The following RB1 variants were observed in gnomAD, a reference collection of about 807,000 sequenced individuals.
The protein encoded by RB1 is RB transcriptional corepressor 1.
Under a neutral mutation model 135.4 loss-of-function variants are expected in RB1, and 18 were observed. The observed-to-expected ratio is 0.13, with a 90% CI of 0.09 to 0.20. RB1 has a LOEUF of 0.20. Among genes scored for constraint, RB1 ranks in the 10% least tolerant of loss-of-function variants. The pLI, the probability that RB1 is intolerant of heterozygous loss-of-function variation, is 1.00. For missense variants in RB1, 868 were observed against 1,110.0 expected, an observed-to-expected ratio of 0.78 and a Z score of 3.10; for synonymous variants, 365 against 373.2, an observed-to-expected ratio of 0.98 and a Z score of 0.25.
At chr13:48,456,133 C>T (rs1324713111) in intron 18 of RB1, 71 bp from the exon 19 acceptor site, 1 of 1,599,830 alleles carries the variant, frequency 6.3e-7, no homozygotes, top group Non-Finnish European at 8.5e-7. Flanking sequence ...GGTGTACAAC[C>T]TTGAAGTGTA....
chr13:48,401,748 C>A (rs1014824162), intron 17 of RB1, among the ~76,000 whole-genome samples: 1 of 152,090 alleles, frequency 6.6e-6, no homozygotes, highest in Non-Finnish European at 1.5e-5. Flanking sequence ...GATAAGGAAA[C>A]GTAGAATAGG....
At chr13:48,457,612 C>T (rs745622823) in intron 19 of RB1, among the ~76,000 whole-genome samples, 4 of 152,322 alleles carry the variant, frequency 2.6e-5, no homozygotes, top group Non-Finnish European at 5.9e-5. Context: ...GCCCATCTGC[C>T]TCCTGCCGCC....
At chr13:48,314,841 C>T (rs1952167093) in intron 2 of RB1, among the ~76,000 whole-genome samples, 1 of 151,838 alleles carries the variant, frequency 6.6e-6, no homozygotes, top group African/African-American at 2.4e-5. Flanking sequence ...AATACAGTAC[C>T]ATTTTATTTA....
At position 48,438,467 on chromosome 13, in the gene RB1, A is replaced by G. The variant is rs545082682; in HGVS notation, c.1696-14526A>G. On this transcript the variant is annotated intron_variant, in intron 17 of 26. Coordinates refer to ENST00000267163, the MANE Select transcript of RB1 (RefSeq NM_000321.3). ...TTCTCTAATGCTCCTAATCTGAGTT[A>G]GTTGTCTCTTCTGATTTTCATGGCA... 2.0e-5 allele frequency among the ~76,000 whole-genome samples: 3 copies of G among 152,270 alleles called. No homozygotes were observed. In the East Asian group the frequency reaches 5.8e-4, roughly 29 times the overall value.
chr13:48,392,061 C>T (rs1249226195), intron 17 of RB1, among the ~76,000 whole-genome samples: 2 of 151,864 alleles, frequency 1.3e-5, no homozygotes, highest in African/African-American at 4.8e-5. Context: ...TTTGTTTTTT[C>T]TTTGAGTGCT....
At chr13:48,342,062 C>T (rs986125204) in intron 2 of RB1, among the ~76,000 whole-genome samples, 1 of 151,892 alleles carries the variant, frequency 6.6e-6, no homozygotes, top group African/African-American at 2.4e-5. Context: ...AATATAATTT[C>T]ATTTAATTGT....
chr13:48,433,042 C>CT (rs1286420662), intron 17 of RB1, among the ~76,000 whole-genome samples: 1 of 152,012 alleles, frequency 6.6e-6, no homozygotes, highest in African/African-American at 2.4e-5. Context: ...TCTACTGTGT[C>CT]TTATAAACTC....
intron 17 of RB1, among the ~76,000 whole-genome samples, chr13:48,394,248 C>T (rs186341608): frequency 2.3e-4 from 35 of 152,332 alleles, no homozygotes; most frequent in African/African-American, 7.9e-4. Context: ...CCACAGTCTT[C>T]GCAACCCACA....
chr13:48,398,635 G>A (rs1035790909), intron 17 of RB1, among the ~76,000 whole-genome samples: 5 of 152,000 alleles, frequency 3.3e-5, no homozygotes, highest in African/African-American at 1.2e-4. Flanking sequence ...CACCCAGTTG[G>A]CATTTGAACT....
In RB1 at chr13:48,319,188, G is replaced by A; in HGVS notation, c.264+11782G>A. On this transcript the variant is annotated intron_variant, in intron 2 of 26. Transcript: ENST00000267163. This position sits in a 1 kb window ranked among gnomAD's most constrained non-coding sequence, Gnocchi z 5.0. The stretch of plus-strand genomic sequence containing the variant: ...GTCTAGGCACCCCGGGCAAGGGTCT[G>A]TGGCCTTGGTGGCCACTGGCTTCCT... 1 of 635,088 alleles carries A rather than the reference G, an allele frequency of 1.6e-6. No individual in the cohort carries two copies. Among genetic ancestry groups the A allele is most frequent in the Non-Finnish European group, 2.6e-6 (1 of 381,964 alleles). The allele number at this position is 635,088 out of a possible 1,614,324, so 39.3% of individuals were successfully genotyped here. A position where few individuals can be genotyped will look rare whatever the true frequency, so the allele number is the denominator to read the frequency against.
intron 17 of RB1, among the ~76,000 whole-genome samples, chr13:48,399,303 T>C (rs2138177156): frequency 1.3e-5 from 2 of 152,032 alleles, no homozygotes; most frequent in East Asian, 3.9e-4. Context: ...TGCAAAAATG[T>C]AACGACAAAG....
intron 17 of RB1, among the ~76,000 whole-genome samples, chr13:48,415,312 C>T (rs1301936752): frequency 6.7e-6 from 1 of 149,880 alleles, no homozygotes; most frequent in East Asian, 2.0e-4. Context: ...TTTTTTCTCA[C>T]TCTGCCGCCC....
chr13:48,453,192 A>G, intron 18 of RB1, 81 bp downstream of exon 18: 3 of 1,326,164 alleles, frequency 2.3e-6, no homozygotes, highest in Non-Finnish European at 3.2e-6. Flanking sequence ...TTCTATAAAG[A>G]AACTGTAGGG....
intron 17 of RB1, among the ~76,000 whole-genome samples, chr13:48,403,592 A>T (rs1948713142): frequency 6.6e-6 from 1 of 152,166 alleles, no homozygotes; most frequent in Admixed American, 6.5e-5. Context: ...GGCAATAATC[A>T]GGAAGGTTTT....
chr13:48,343,999 T>C (rs1002985695), intron 3 of RB1, among the ~76,000 whole-genome samples: 6 of 152,208 alleles, frequency 3.9e-5, no homozygotes, highest in Non-Finnish European at 7.3e-5. Context: ...CTATAACTCA[T>C]TGGTTGCTGG....
intron 2 of RB1, chr13:48,341,288 G>A (rs1952440465): frequency 6.6e-6 from 1 of 151,276 alleles, no homozygotes; most frequent in South Asian, 2.1e-4. Flanking sequence ...ACATTCCATT[G>A]TAGGGATATA....
rs1949430859 is a variant in RB1, at chr13:48,465,063, C to T, written c.2277C>T (p.Val759=). ...YDSIIVFYNS[V]FMQRLKTNIL... ...CTATTATAGTATTCTATAACTCGGTCTTCATGCAGAGACTGAAAACAAATA... is the reference window on the plus strand; with the variant it reads ...CTATTATAGTATTCTATAACTCGGTTTTCATGCAGAGACTGAAAACAAATA... Residue 759 remains valine, a synonymous_variant, in exon 22 of 27, where the codon GTC becomes GTT. Transcript: ENST00000267163. 1 of 1,575,458 alleles carries T rather than the reference C, an allele frequency of 6.3e-7. No individual in the cohort carries two copies.
At chr13:48,452,593 T>G (rs1949334688) in intron 17 of RB1, among the ~76,000 whole-genome samples, 1 of 152,118 alleles carries the variant, frequency 6.6e-6, no homozygotes, top group Non-Finnish European at 1.5e-5. Context: ...TCAATCTGAC[T>G]GGAGATTTGT....
chr13:48,381,223 GTTAC>G lies in RB1; in HGVS notation c.1499-21_1499-18del. The G allele has an allele frequency of 6.3e-7, 1 of 1,578,634 alleles. No homozygotes were observed. Among genetic ancestry groups the G allele is most frequent in the Middle Eastern group, 2.1e-4 (1 of 4,838 alleles). ...CTCAAGGGTTAATATTTCATAAATAGTTACTTTTTTTTTTCATTTTTAGGAAGTA... is the reference window on the plus strand; with the variant it reads ...CTCAAGGGTTAATATTTCATAAATAGTTTTTTTTTTCATTTTTAGGAAGTA... On this transcript the variant is annotated intron_variant, in intron 16 of 26. Coordinates refer to ENST00000267163, the MANE Select transcript of RB1 (RefSeq NM_000321.3).
Sources: allele counts gnomAD v4.1 joint callset (sites outside exome capture counted in the v4.1 genomes callset), GRCh38; gene constraint gnomAD v4.1.1; non-coding constraint Gnocchi (gnomAD v3.1); transcripts MANE v1.5; gene names NCBI Gene and HGNC (gene_info 2026-07-23, HGNC 2026-07-21).